The following NKAIN2 variants were observed in gnomAD, a reference collection of about 807,000 sequenced individuals.
NKAIN2 encodes sodium/potassium-transporting ATPase subunit beta-1-interacting protein 2.
NKAIN2 carries 14 observed loss-of-function variants against 32.6 expected under a neutral mutation model. The ratio of observed to expected loss-of-function variants is 0.43; its 90% confidence interval spans 0.28 to 0.67. NKAIN2 has a LOEUF of 0.67. NKAIN2 is among the 30% of genes least tolerant of loss of function. The pLI, the probability that NKAIN2 is intolerant of heterozygous loss-of-function variation, is 0.17. For missense variants in NKAIN2, 198 were observed against 258.3 expected, an observed-to-expected ratio of 0.77 and a Z score of 1.60; for synonymous variants, 80 against 87.2, an observed-to-expected ratio of 0.92 and a Z score of 0.46.
At chr6:124,641,556 T>TTTTTTTTTTTTTTTTTTTTTTTTTTTTTG (rs1783992241) in intron 3 of NKAIN2, among the ~76,000 whole-genome samples, 1 of 113,314 alleles carries the variant, frequency 8.8e-6, no homozygotes. Flanking sequence ...TTTTTTTTTT[T>TTTTTTTTTTTTTTTTTTTTTTTTTTTTTG]TTTTTTTTTT....
At chr6:124,344,556 T>C (rs1285866325) in intron 2 of NKAIN2, among the ~76,000 whole-genome samples, 1 of 151,762 alleles carries the variant, frequency 6.6e-6, no homozygotes. Flanking sequence ...ACGTCCCTTG[T>C]AAGTTGGATT....
chr6:124,688,789 C>G (rs1166199790), intron 4 of NKAIN2, among the ~76,000 whole-genome samples: 1 of 152,046 alleles, frequency 6.6e-6, no homozygotes, highest in Non-Finnish European at 1.5e-5. Flanking sequence ...TTCTCCATAT[C>G]TTTTCATGGC....
intron 3 of NKAIN2, among the ~76,000 whole-genome samples, chr6:124,631,434 G>A (rs1371417495): frequency 6.6e-6 from 1 of 151,968 alleles, no homozygotes; most frequent in Non-Finnish European, 1.5e-5. Context: ...ATAAACCTAG[G>A]CAACAAAAAA....
intron 1 of NKAIN2, among the ~76,000 whole-genome samples, chr6:123,913,224 T>G (rs1405708388): frequency 6.6e-6 from 1 of 152,096 alleles, no homozygotes; most frequent in African/African-American, 2.4e-5. Flanking sequence ...GATACATTTT[T>G]GGGATAGATT....
intron 1 of NKAIN2, among the ~76,000 whole-genome samples, chr6:124,187,908 A>G (rs1230984024): frequency 6.6e-6 from 1 of 152,148 alleles, no homozygotes; most frequent in East Asian, 1.9e-4. Flanking sequence ...CTTAACCAAG[A>G]TGTTATTCCA....
intron 2 of NKAIN2, among the ~76,000 whole-genome samples, chr6:124,286,674 G>GTGCA (rs1491549123): frequency 1.0e-5 from 1 of 96,254 alleles, no homozygotes; most frequent in East Asian, 3.6e-4. Flanking sequence ...GTGTGTGTGT[G>GTGCA]CGCGCGCGTG....
At chr6:124,346,262 T>C (rs1798417727) in intron 2 of NKAIN2, among the ~76,000 whole-genome samples, 1 of 152,188 alleles carries the variant, frequency 6.6e-6, no homozygotes, top group South Asian at 2.1e-4. Context: ...AACTATGTGG[T>C]CAATTTTGGA....
chr6:124,131,435 T>A (rs1207822097), intron 1 of NKAIN2, among the ~76,000 whole-genome samples: 1 of 152,204 alleles, frequency 6.6e-6, no homozygotes, highest in East Asian at 1.9e-4. Context: ...AAATTCACAC[T>A]GTGAACTTTG....
chr6:124,284,245 T>C (rs941721366), intron 2 of NKAIN2, among the ~76,000 whole-genome samples: 3 of 152,194 alleles, frequency 2.0e-5, no homozygotes, highest in Non-Finnish European at 2.9e-5. Flanking sequence ...CAAGATATGA[T>C]AGTATTGTCC....
intron 2 of NKAIN2, among the ~76,000 whole-genome samples, chr6:124,351,759 A>G (rs146374840): frequency 0.011 from 1,648 of 151,948 alleles, 34 homozygotes; most frequent in African/African-American, 0.036. Flanking sequence ...AGTAGCTGGG[A>G]TTACAGGCGT....
At chr6:123,813,584 G>C (rs919497897) in intron 1 of NKAIN2, among the ~76,000 whole-genome samples, 1 of 152,122 alleles carries the variant, frequency 6.6e-6, no homozygotes, top group Non-Finnish European at 1.5e-5. Flanking sequence ...GGCCGAGGCC[G>C]GTAGATCACC....
chr6:124,526,297 G>A (rs1177774799), intron 3 of NKAIN2, among the ~76,000 whole-genome samples: 4 of 152,088 alleles, frequency 2.6e-5, no homozygotes, highest in Non-Finnish European at 5.9e-5. Flanking sequence ...GATGGATAAG[G>A]AGTTTGGAGT....
chr6:124,387,918 C>G (rs1053509111), intron 3 of NKAIN2, among the ~76,000 whole-genome samples: 2 of 152,032 alleles, frequency 1.3e-5, no homozygotes, highest in South Asian at 4.1e-4. Flanking sequence ...GGGTAGTTCT[C>G]GACTAGAGGC....
intron 1 of NKAIN2, among the ~76,000 whole-genome samples, chr6:124,202,657 A>AT (rs200102513): frequency 3.3e-5 from 5 of 151,830 alleles, no homozygotes; most frequent in South Asian, 2.1e-4. Flanking sequence ...GAATGTTAGG[A>AT]TTTTTTTTAT....
At chr6:123,871,050 A>G (rs941763319) in intron 1 of NKAIN2, among the ~76,000 whole-genome samples, 3 of 151,980 alleles carry the variant, frequency 2.0e-5, no homozygotes, top group African/African-American at 4.8e-5. Context: ...TCAATTTTAC[A>G]CATTACCTAT....
chr6:124,012,113 T>A (rs1320476776), intron 1 of NKAIN2, among the ~76,000 whole-genome samples: 2 of 152,078 alleles, frequency 1.3e-5, no homozygotes, highest in Non-Finnish European at 2.9e-5. Flanking sequence ...TATATTCTTA[T>A]GTATGTATAT....
chr6:123,900,575 C>G (rs146721607), intron 1 of NKAIN2, among the ~76,000 whole-genome samples: 1 of 30,810 alleles, frequency 3.2e-5, no homozygotes, highest in East Asian at 1.3e-3. Flanking sequence ...TTTTTGGTGA[C>G]TTCAGACAAA....
At chr6:124,400,985 T>C (rs1344066230) in intron 3 of NKAIN2, among the ~76,000 whole-genome samples, 1 of 152,230 alleles carries the variant, frequency 6.6e-6, no homozygotes, top group African/African-American at 2.4e-5. Context: ...TCTTACAGTA[T>C]GTACCCTTTT....
At chr6:124,162,667 C>T (rs557026890) in intron 1 of NKAIN2, among the ~76,000 whole-genome samples, 6 of 152,130 alleles carry the variant, frequency 3.9e-5, no homozygotes, top group Admixed American at 6.6e-5. Flanking sequence ...TGCCATAAGA[C>T]AGGTCACATA....
Sources: gnomAD v4.1 joint callset for allele counts (sites outside exome capture counted in the v4.1 genomes callset) on GRCh38, gnomAD v4.1.1 for gene constraint, MANE v1.5 for transcripts, NCBI Gene and HGNC (gene_info 2026-07-23, HGNC 2026-07-21) for gene names.